The following TMEM117 variants were observed in gnomAD, a reference collection of about 807,000 sequenced individuals.
TMEM117 encodes transmembrane protein 117.
Under a neutral mutation model 52.4 loss-of-function variants are expected in TMEM117, and 27 were observed. The ratio of observed to expected loss-of-function variants is 0.51; its 90% CI spans 0.38 to 0.71. The LOEUF (loss-of-function observed/expected upper bound fraction) is 0.71, where lower values mean the gene tolerates loss of function less well. Among genes scored for constraint, TMEM117 ranks in the 30% least tolerant of loss-of-function variants. The pLI, the probability that TMEM117 is intolerant of heterozygous loss-of-function variation, is 0.00. For missense variants in TMEM117, 556 were observed against 630.5 expected (o/e 0.88, Z 1.26); for synonymous variants, 215 against 206.3 (o/e 1.04, Z -0.36).
intron 7 of TMEM117, among the ~76,000 whole-genome samples, chr12:44,386,194 C>T (rs942584400): frequency 2.0e-5 from 3 of 152,128 alleles, no homozygotes; most frequent in Admixed American, 2.0e-4. Flanking sequence ...GTTCCCCTAA[C>T]AAGATGATGA....
intron 4 of TMEM117, among the ~76,000 whole-genome samples, chr12:44,143,833 C>T (rs1948604500): frequency 6.6e-6 from 1 of 152,092 alleles, no homozygotes; most frequent in Non-Finnish European, 1.5e-5. Context: ...CAAGTAATGG[C>T]ACTCCACCAG....
At chr12:43,943,878 A>G (rs970996232) in intron 2 of TMEM117, among the ~76,000 whole-genome samples, 7 of 152,252 alleles carry the variant, frequency 4.6e-5, no homozygotes, top group African/African-American at 1.4e-4. Context: ...CCAAAAACAT[A>G]TTTGTAAAAT....
chr12:44,261,031 G>A (rs1346292755), intron 5 of TMEM117, among the ~76,000 whole-genome samples: 2 of 152,112 alleles, frequency 1.3e-5, no homozygotes, highest in Non-Finnish European at 2.9e-5. Flanking sequence ...ATCCAATTAT[G>A]TCTTGGATTT....
At chr12:44,082,647 G>A (rs538958939) in intron 3 of TMEM117, among the ~76,000 whole-genome samples, 3 of 152,080 alleles carry the variant, frequency 2.0e-5, no homozygotes, top group African/African-American at 7.2e-5. Context: ...TTATGTAACA[G>A]TTTTACATAT....
chr12:43,820,152 C>T, the TMEM117 span, among the ~76,000 whole-genome samples: 1 of 151,886 alleles, frequency 6.6e-6, no homozygotes. Context: ...AAGTGGAGTG[C>T]TGTGGCGCAA....
rs575039086 is a variant in TMEM117, at chr12:44,144,670, A to G, written c.510+1046A>G. 2.0e-5 allele frequency among the ~76,000 whole-genome samples: 3 copies of G among 152,310 alleles called. No individual in the cohort carries two copies. The East Asian group carries it at 5.8e-4, about 29-fold the overall frequency. ...CATCCAGGAAGAGTATCAAGTAACT[A>G]CCAAAGGGTTTGTATGGCCTGTTTT... is the stretch of plus-strand genomic sequence containing the variant. On this transcript the variant is annotated intron_variant, in intron 4 of 7. Transcript: ENST00000266534.
At chr12:43,891,403 C>T (rs1221737698) in intron 2 of TMEM117, among the ~76,000 whole-genome samples, 6 of 27,378 alleles carry the variant, frequency 2.2e-4, no homozygotes, top group Non-Finnish European at 4.9e-4. Flanking sequence ...GATGGAGTCT[C>T]ACCCTGTCAC....
chr12:44,390,172 G>T (rs1044924226), downstream of TMEM117, among the ~76,000 whole-genome samples: 4 of 150,942 alleles, frequency 2.7e-5, no homozygotes, highest in African/African-American at 9.8e-5. Context: ...GCCATGCATG[G>T]TGCTACTTAG....
chr12:44,351,736 C>T (rs1244532069), intron 6 of TMEM117, among the ~76,000 whole-genome samples: 1 of 151,846 alleles, frequency 6.6e-6, no homozygotes, highest in African/African-American at 2.4e-5. Context: ...TTACATTTTG[C>T]TTGTGGATGT....
At chr12:44,241,933 C>A (rs1482280274) in intron 5 of TMEM117, among the ~76,000 whole-genome samples, 1 of 151,718 alleles carries the variant, frequency 6.6e-6, no homozygotes, top group East Asian at 1.9e-4. Flanking sequence ...TTTATTTTTT[C>A]TTTTTCGGAA....
chr12:44,001,487 G>A (rs1234991828), intron 3 of TMEM117, among the ~76,000 whole-genome samples: 1 of 152,142 alleles, frequency 6.6e-6, no homozygotes, highest in Non-Finnish European at 1.5e-5. Flanking sequence ...CCACTGATAG[G>A]TGTTTAATCA....
chr12:44,093,775 T>C (rs1046570242), intron 3 of TMEM117, among the ~76,000 whole-genome samples: 1 of 152,020 alleles, frequency 6.6e-6, no homozygotes, highest in African/African-American at 2.4e-5. Context: ...TGTGAGAAAA[T>C]TGATCTTTCT....
At chr12:43,797,460 TAAGA>T in the TMEM117 span, 1 of 1,567,264 alleles carries the variant, frequency 6.4e-7, no homozygotes, top group Middle Eastern at 1.8e-4. Flanking sequence ...TTCCTGCCAA[TAAGA>T]AACAAAATAT....
chr12:43,948,537 C>T (rs1301090421), intron 3 of TMEM117, among the ~76,000 whole-genome samples: 1 of 152,098 alleles, frequency 6.6e-6, no homozygotes, highest in Non-Finnish European at 1.5e-5. Flanking sequence ...GATCTCCTGA[C>T]CTCGTGATCC....
chr12:44,295,574 C>CT (rs1306337052), intron 5 of TMEM117, among the ~76,000 whole-genome samples: 1 of 151,748 alleles, frequency 6.6e-6, no homozygotes, highest in Non-Finnish European at 1.5e-5. Flanking sequence ...TGTGACCTGT[C>CT]TTTAAGTTTG....
intron 7 of TMEM117, among the ~76,000 whole-genome samples, chr12:44,387,652 A>G (rs1377926202): frequency 6.6e-6 from 1 of 152,150 alleles, no homozygotes; most frequent in African/African-American, 2.4e-5. Context: ...CATACATTGA[A>G]CTTTTCTAAG....
intron 3 of TMEM117, among the ~76,000 whole-genome samples, chr12:43,958,439 A>T (rs192420462): frequency 0.013 from 1,904 of 152,296 alleles, 27 homozygotes; most frequent in South Asian, 0.03. Flanking sequence ...ATATTAATAC[A>T]TCACTATGTG....
chr12:44,051,941 A>C (rs990614422), intron 3 of TMEM117, among the ~76,000 whole-genome samples: 3 of 152,186 alleles, frequency 2.0e-5, no homozygotes, highest in African/African-American at 7.2e-5. Context: ...TAAGGGCACT[A>C]TCTCTGGGTC....
the TMEM117 span, among the ~76,000 whole-genome samples, chr12:43,820,865 G>A: frequency 8.6e-5 from 13 of 151,830 alleles, no homozygotes; most frequent in African/African-American, 3.1e-4. Flanking sequence ...ACTTTGGGAG[G>A]CCGAGGCAGG....
Sources: gnomAD v4.1 joint callset for allele counts (sites outside exome capture counted in the v4.1 genomes callset) on GRCh38, gnomAD v4.1.1 for gene constraint, MANE v1.5 for transcripts, NCBI Gene and HGNC (gene_info 2026-07-23, HGNC 2026-07-21) for gene names.